Variants in RPUSD3 observed in about 807,000 individuals in gnomAD.
The protein encoded by RPUSD3 is RNA pseudouridine synthase D3.
Under a neutral mutation model 35.1 loss-of-function variants are expected in RPUSD3, and 36 were observed. The observed-to-expected ratio is 1.02, with a 90% CI of 0.79 to 1.35. RPUSD3 has a LOEUF of 1.35. Among genes scored for constraint, RPUSD3 ranks in the 40% most tolerant of loss-of-function variants. The probability of loss-of-function intolerance (pLI) is 0.00; values close to 1 mark genes in which losing one functional copy is unlikely to be tolerated. For missense variants in RPUSD3, 486 were observed against 441.9 expected (o/e 1.10, Z -0.89); for synonymous variants, 202 against 187.8 (o/e 1.08, Z -0.62).
At chr3:9,843,231 G>A in intron 2 of RPUSD3, 3 of 582,500 alleles carry the variant, frequency 5.2e-6, no homozygotes, top group Non-Finnish European at 9.0e-6. Context: ...ACTGAGCGCC[G>A]GCTATGTGCA....
intron 6 of RPUSD3, 107 bp downstream of exon 6, chr3:9,840,425 G>A (rs775166354): frequency 2.5e-6 from 4 of 1,599,990 alleles, no homozygotes; most frequent in South Asian, 1.1e-5. Flanking sequence ...TCACTTGCCT[G>A]TTTTAGGGGA....
chr3:9,841,046 C>T (rs2082096284), intron 4 of RPUSD3: 1 of 333,868 alleles, frequency 3.0e-6, no homozygotes. Flanking sequence ...TAACGATTGT[C>T]TACCATGTGC....
chr3:9,841,605 A>G (rs184555332), intron 4 of RPUSD3: 10 of 168,370 alleles, frequency 5.9e-5, no homozygotes, highest in African/African-American at 1.2e-4. Context: ...CCAAAGTCCT[A>G]TTGATTATAG....
intron 6 of RPUSD3, 70 bp from the exon 7 acceptor site, chr3:9,840,377 C>T: frequency 5.0e-6 from 8 of 1,613,272 alleles, no homozygotes; most frequent in Non-Finnish European, 6.8e-6. Flanking sequence ...CTCCCTGCTC[C>T]CAATAGACTC....
intron 7 of RPUSD3, chr3:9,839,886 G>GTT (rs113216240): frequency 9.5e-3 from 1,808 of 189,486 alleles, no homozygotes; most frequent in South Asian, 0.027. Flanking sequence ...CTCAAGTGCA[G>GTT]TTTTTTTTTT....
rs1376723398 is a variant in RPUSD3, at chr3:9,843,269, C to G, written c.262+196G>C. 3 of 698,130 alleles carry G rather than the reference C, an allele frequency of 4.3e-6. No individual in the cohort carries two copies. In the Admixed American group the frequency reaches 8.3e-5, roughly 19 times the overall value. The allele number at this position is 698,130 out of a possible 1,614,324, so 43.2% of individuals were successfully genotyped here. On this transcript the variant is annotated intron_variant, in intron 2 of 8. Transcript: ENST00000383820. ...GCTCGGTAGTTATTTGCATCTTCTC[C>G]CCACTCTTAACCCTACTGCATCATG...
chr3:9,839,285 G>A, intron 7 of RPUSD3, 114 bp from the exon 8 acceptor site: 1 of 1,248,694 alleles, frequency 8.0e-7, no homozygotes, highest in Non-Finnish European at 1.1e-6. Context: ...CAGATCATAT[G>A]TTTCAGTGAG....
At chr3:9,842,039 C>T (rs746997247) in exon 4 of RPUSD3, 4 of 1,612,824 alleles carry the variant, frequency 2.5e-6, no homozygotes, top group East Asian at 4.5e-5. Context: ...GGGACTGGCT[C>T]AGCTCTGGCA....
At chr3:9,843,436 C>T (rs2125027317) in intron 2 of RPUSD3, 29 bp downstream of exon 2, 1 of 1,612,558 alleles carries the variant, frequency 6.2e-7, no homozygotes, top group Middle Eastern at 1.7e-4. Context: ...CCTCCCGGTC[C>T]TTGTGCGGCC....
At chr3:9,838,764 C>T (rs1175492130) in intron 8 of RPUSD3, among the ~76,000 whole-genome samples, 1 of 152,160 alleles carries the variant, frequency 6.6e-6, no homozygotes, top group Non-Finnish European at 1.5e-5. Flanking sequence ...ACCCTTTGTA[C>T]CAGACTCAAA....
chr3:9,840,277 C>A (rs745877910), exon 7 of RPUSD3: 2 of 1,614,094 alleles, frequency 1.2e-6, no homozygotes, highest in Non-Finnish European at 1.7e-6. Flanking sequence ...TCCAGGATGT[C>A]CTTTCGGGAT....
In RPUSD3 at chr3:9,843,108, T is replaced by G. The variant is rs566741936; in HGVS notation, c.262+357A>C. The G allele has an allele frequency of 9.1e-5, 20 of 220,696 alleles. No individual in the cohort carries two copies. In the South Asian group the frequency reaches 1.7e-3, roughly 19 times the overall value. The allele number at this position is 220,696 out of a possible 1,614,324, so 13.7% of individuals were successfully genotyped here. A position where few individuals can be genotyped will look rare whatever the true frequency, so the allele number is the denominator to read the frequency against. ...GGTTTCACCATGTTGGCCAGGCTAG[T>G]CTCGAACTCCTGACCTCAGGTGATC... is the stretch of plus-strand genomic sequence containing the variant. On this transcript the variant is annotated intron_variant, in intron 2 of 8. Transcript: ENST00000383820.
Position 9,840,554 on chromosome 3 carries a change from TC to T in RPUSD3, c.577del (p.Glu193AsnfsTer12). 6.2e-7 allele frequency: 1 copy of T among 1,614,098 alleles called. No homozygotes were observed. Among genetic ancestry groups the T allele is most frequent in the Non-Finnish European group, 8.5e-7 (1 of 1,180,016 alleles). Reference sequence around the variant, plus strand: ...CACGAGATTGACCCCATCAATGTGTTCCAGTTTCAGGGCAGCCTGGATCTTC... The same window carrying T: ...CACGAGATTGACCCCATCAATGTGTTCAGTTTCAGGGCAGCCTGGATCTTC... On this transcript the variant is annotated frameshift_variant, in exon 6 of 9. Coordinates refer to ENST00000383820, the Ensembl canonical transcript of RPUSD3. LOFTEE classifies it high-confidence loss of function.
chr3:9,838,740 C>G lies in RPUSD3; in HGVS notation c.864+292G>C, dbSNP rs147740450. Among the ~76,000 whole-genome samples the G allele has an allele frequency of 2.0e-5, 3 of 152,300 alleles. No homozygotes were observed. In the East Asian group the frequency reaches 5.8e-4, roughly 29 times the overall value. On this transcript the variant is annotated intron_variant, in intron 8 of 8. Transcript: ENST00000383820. ...GGTAGAGGCATCTGGTGTCCTAATA[C>G]ACGCATGCCTTTGACCCTTTGTACC...
chr3:9,840,027 C>G, intron 7 of RPUSD3, 157 bp downstream of exon 7: 1 of 853,678 alleles, frequency 1.2e-6, no homozygotes, highest in Non-Finnish European at 1.7e-6. Context: ...TTTACAGGCG[C>G]CTGCCACCGT....
At chr3:9,838,119 A>G in exon 9 of RPUSD3, 1 of 1,612,626 alleles carries the variant, frequency 6.2e-7, no homozygotes, top group Non-Finnish European at 8.5e-7. Flanking sequence ...GCCTGGGAGA[A>G]GGAGCCGATG....
At chr3:9,843,769 A>C in intron 1 of RPUSD3, 121 bp downstream of exon 1, 1 of 1,542,804 alleles carries the variant, frequency 6.5e-7, no homozygotes, top group Non-Finnish European at 8.8e-7. Context: ...AGCGGAGGGC[A>C]CCGAGGCTCA....
chr3:9,840,508 T>C (rs2082087347), intron 6 of RPUSD3, 24 bp downstream of exon 6: 1 of 1,612,332 alleles, frequency 6.2e-7, no homozygotes, highest in African/African-American at 1.3e-5. Flanking sequence ...GAAGCACCCC[T>C]CCTCTTCCCA....
chr3:9,839,913 C>T (rs2082078361), intron 7 of RPUSD3: 1 of 281,850 alleles, frequency 3.5e-6, no homozygotes, highest in Non-Finnish European at 6.6e-6. Context: ...ATGAAGTCTC[C>T]TCTATCACCT....
Sources: gnomAD v4.1 joint callset for allele counts (sites outside exome capture counted in the v4.1 genomes callset) on GRCh38, gnomAD v4.1.1 for gene constraint, MANE v1.5 for transcripts, NCBI Gene and HGNC (gene_info 2026-07-23, HGNC 2026-07-21) for gene names.